JADE2: variants seen among roughly 807,000 people sequenced by gnomAD.
JADE2 encodes the protein jade family PHD finger 2.
JADE2 carries 13 observed loss-of-function variants against 85.7 expected under a neutral mutation model. The observed-to-expected ratio is 0.15, with a 90% confidence interval of 0.10 to 0.24. JADE2 has a LOEUF of 0.24. Among genes scored for constraint, JADE2 ranks in the 10% least tolerant of loss-of-function variants. The pLI is 1.00. For synonymous variants in JADE2, 440 were observed against 456.1 expected (o/e 0.96, Z 0.45); for missense variants, 846 against 1,115.9 (o/e 0.76, Z 3.45).
intron 3 of JADE2, among the ~76,000 whole-genome samples, chr5:134,543,734 CT>C (rs1410917385): frequency 6.6e-6 from 1 of 152,144 alleles, no homozygotes; most frequent in Non-Finnish European, 1.5e-5. Flanking sequence ...TTTCCCTTCC[CT>C]TTGCCTAAAA....
intron 1 of JADE2, among the ~76,000 whole-genome samples, chr5:134,529,698 G>C (rs1761105009): frequency 6.6e-6 from 1 of 152,204 alleles, no homozygotes; most frequent in Non-Finnish European, 1.5e-5. Flanking sequence ...TCACCTTTAG[G>C]CTAGGCCAGA....
intron 6 of JADE2, among the ~76,000 whole-genome samples, chr5:134,561,677 T>C (rs376680953): frequency 2.6e-5 from 4 of 152,176 alleles, no homozygotes; most frequent in Non-Finnish European, 5.9e-5. Context: ...GTAGGGACTT[T>C]GCCAGGCTGG....
intron 1 of JADE2, chr5:134,533,736 C>CTTTTTTTTTTT (rs70976536): frequency 8.9e-6 from 1 of 112,794 alleles, no homozygotes; most frequent in Non-Finnish European, 1.7e-5. Flanking sequence ...CACACTCTCT[C>CTTTTTTTTTTT]TTTTTTTTTT....
chr5:134,529,544 C>G (rs1761094842), intron 1 of JADE2, among the ~76,000 whole-genome samples: 1 of 152,316 alleles, frequency 6.6e-6, no homozygotes, highest in East Asian at 1.9e-4. Flanking sequence ...AATAACAGTA[C>G]CTATCTCATA....
In JADE2 at chr5:134,573,898, C is replaced by T. The variant is rs1195198248; in HGVS notation, c.1552+136C>T. ...AAGGGCCACTGGCCCCCACTCCTAC[C>T]CTTCACCATCCAATTAGTAGGCCCA... On this transcript the variant is annotated intron_variant, in intron 10 of 11. Transcript: ENST00000681547. 8.0e-6 allele frequency: 6 copies of T among 747,420 alleles called. No individual in the cohort carries two copies. The East Asian group carries it at 1.5e-4, about 19-fold the overall frequency. The allele number at this position is 747,420 out of a possible 1,614,324, so 46.3% of individuals were successfully genotyped here.
Position 134,535,890 on chromosome 5 carries a change from C to T in JADE2, c.33C>T (p.Ser11=). 1 of 1,613,872 alleles carries T rather than the reference C, an allele frequency of 6.2e-7. No individual in the cohort carries two copies. The highest frequency in any genetic ancestry group is 2.2e-5 in the East Asian group (1 of 44,886). The change falls in exon 2 of 12, where the codon AGC becomes AGT. Residue 11 remains serine, a synonymous_variant. Coordinates refer to ENST00000681547, the MANE Select transcript of JADE2 (RefSeq NM_001388185.1). ...AGAAGAGGCGAAAATACTCCATCAG[C>T]AGTGACAACTCTGACACCACTGACA... The part of the protein sequence containing the change: MEEKRRKYSI[S]SDNSDTTDSH...
At chr5:134,534,026 G>A (rs1009307920) in intron 1 of JADE2, among the ~76,000 whole-genome samples, 10 of 152,160 alleles carry the variant, frequency 6.6e-5, no homozygotes, top group Non-Finnish European at 1.2e-4. Flanking sequence ...GATTACAGGT[G>A]TCGCACCCTT....
At chr5:134,558,232 GT>G (rs1241892174) in intron 4 of JADE2, among the ~76,000 whole-genome samples, 2 of 109,378 alleles carry the variant, frequency 1.8e-5, no homozygotes, top group African/African-American at 7.3e-5. Context: ...GGGGTTGTTT[GT>G]TTTTTTCTTG....
At position 134,564,534 on chromosome 5, in the gene JADE2, A is replaced by G. The variant is rs1763521322; in HGVS notation, c.893A>G (p.Lys298Arg). 2 of 1,587,860 alleles carry G rather than the reference A, an allele frequency of 1.3e-6. No individual in the cohort carries two copies. The highest frequency in any genetic ancestry group is 1.7e-6 in the Non-Finnish European group (2 of 1,167,268). Residue 298 changes from lysine (K) to arginine (R), a missense_variant, in exon 8 of 12, where the codon AAG becomes AGG. Physicochemically the swap from Lys to Arg is conservative, Grantham distance 26. This residue lies in a region of JADE2 where 129 missense variants were observed against 255.4 expected (regional missense o/e 0.51). Transcript: ENST00000681547. The part of the protein sequence containing the change: ...GCPEKMEPIT[K>R]ISHIPASRWA... Reference sequence around the variant, plus strand: ...CCAGAGAAGATGGAGCCCATCACCAAGATCTCGCATATCCCAGCCAGCCGC... The same window carrying G: ...CCAGAGAAGATGGAGCCCATCACCAGGATCTCGCATATCCCAGCCAGCCGC...
intron 6 of JADE2, among the ~76,000 whole-genome samples, chr5:134,561,429 T>C (rs1465446126): frequency 6.6e-6 from 1 of 152,254 alleles, no homozygotes; most frequent in African/African-American, 2.4e-5. Flanking sequence ...AATTGTTTAC[T>C]GTGGGTCTTT....
At chr5:134,526,440 G>A in intron 1 of JADE2, 1 of 985,192 alleles carries the variant, frequency 1.0e-6, no homozygotes, top group Non-Finnish European at 1.2e-6. Context: ...ACGGTGGGGA[G>A]GTCGAGCGGC....
rs750714692 is a variant in JADE2, at chr5:134,573,633, T to G, written c.1435-12T>G. On this transcript the variant is annotated splice_polypyrimidine_tract_variant and intron_variant, in intron 9 of 11. Transcript: ENST00000681547. Reference sequence around the variant, plus strand: ...CTGTGAGTAAGGTGGAAAATCTCTCTTGTTTTCTCAGGTTAGAAATCTGTG... The same window carrying G: ...CTGTGAGTAAGGTGGAAAATCTCTCGTGTTTTCTCAGGTTAGAAATCTGTG... 7.5e-6 allele frequency: 12 copies of G among 1,600,604 alleles called. No individual in the cohort carries two copies. The highest frequency in any genetic ancestry group is 2.2e-5 in the East Asian group (1 of 44,796).
At position 134,578,750 on chromosome 5, in the gene JADE2, C is replaced by T. The variant is rs375468796; in HGVS notation, c.1938C>T (p.Ala646=). The change falls in exon 12 of 12, where the codon GCC becomes GCT. Residue 646 remains alanine, a synonymous_variant. Transcript: ENST00000681547. This position sits in a 1 kb window ranked among gnomAD's most constrained non-coding sequence, Gnocchi z 4.4. ...RKARGRTRLP[A]KKKPPPPPPQ... is the part of the protein sequence containing the mutation. ...CCCGAGGCCGCACCCGCCTGCCTGC[C>T]AAGAAGAAACCACCACCACCACCAC... 127 of 1,613,588 alleles carry T rather than the reference C, an allele frequency of 7.9e-5. No individual in the cohort carries two copies. The highest frequency in any genetic ancestry group is 1.0e-4 in the Non-Finnish European group (122 of 1,179,974).
At chr5:134,533,197 G>A (rs1031572826) in intron 1 of JADE2, among the ~76,000 whole-genome samples, 1 of 152,130 alleles carries the variant, frequency 6.6e-6, no homozygotes, top group African/African-American at 2.4e-5. Flanking sequence ...AGGACTTTCC[G>A]ACCTGGTCCA....
intron 3 of JADE2, among the ~76,000 whole-genome samples, chr5:134,545,092 A>G (rs1762210316): frequency 6.6e-6 from 1 of 152,240 alleles, no homozygotes; most frequent in Non-Finnish European, 1.5e-5. Flanking sequence ...ATCCAAAAAA[A>G]GGTTTTGTGC....
rs761382043 is a variant in JADE2, at chr5:134,566,362, G to A, written c.1216G>A (p.Glu406Lys). 6.2e-6 allele frequency: 10 copies of A among 1,614,046 alleles called. No homozygotes were observed. The highest frequency in any genetic ancestry group is 1.1e-5 in the South Asian group (1 of 91,090). Residue 406 changes from glutamate to lysine, a missense_variant, in exon 9 of 12, where the codon GAG (glutamate) becomes AAG (lysine). Transcript: ENST00000681547. The surrounding 1 kb of genome is among the most constrained non-coding windows in gnomAD (Gnocchi z 6.7). Reference sequence around the variant, plus strand: ...GCAGCAGCTAGAGGAGGACTTCTACGAGCTGGTGGAGCCGGCTGAGGTGGC... The same window carrying A: ...GCAGCAGCTAGAGGAGGACTTCTACAAGCTGGTGGAGCCGGCTGAGGTGGC... The part of the protein sequence containing the change: ...RLQQLEEDFY[E>K]LVEPAEVAER...
At chr5:134,555,295 GCAGAA>G (rs1053812037) in intron 4 of JADE2, among the ~76,000 whole-genome samples, 1 of 152,202 alleles carries the variant, frequency 6.6e-6, no homozygotes, top group Non-Finnish European at 1.5e-5. Context: ...CTCAGCCAGG[GCAGAA>G]CCCACCTCTG....
In JADE2 at chr5:134,525,810, A is replaced by G. The variant is rs1259794657; in HGVS notation, c.-202A>G. The G allele has an allele frequency of 2.0e-6, 2 of 1,015,404 alleles. No individual in the cohort carries two copies. Among genetic ancestry groups the G allele is most frequent in the African/African-American group, 1.7e-5 (1 of 57,262 alleles). 62.9% of individuals were successfully genotyped at this position (1,015,404 alleles called of 1,614,324 possible). ...GCACCGGCTTAGGTCCTGCGGGCCG[A>G]CCGTCCCCGGCGGGGGGCGTGGGGC... On this transcript the variant is annotated 5_prime_UTR_variant, in exon 1 of 12. Coordinates refer to ENST00000681547, the MANE Select transcript of JADE2 (RefSeq NM_001388185.1).
chr5:134,579,806 C>G lies in JADE2; in HGVS notation c.*489C>G, dbSNP rs192920573. On this transcript the variant is annotated 3_prime_UTR_variant, in exon 12 of 12. Coordinates refer to ENST00000681547, the MANE Select transcript of JADE2 (RefSeq NM_001388185.1). The surrounding 1 kb of genome is among the most constrained non-coding windows in gnomAD (Gnocchi z 4.6). ...GGAAGTATAATAAACGATACCCAGC[C>G]AGAGTCTACTCACTGTCACAAGCAC... 350 of 157,712 alleles carry G rather than the reference C, an allele frequency of 2.2e-3. No homozygotes were observed. Among genetic ancestry groups the G allele is most frequent in the Non-Finnish European group, 2.8e-3 (197 of 71,316 alleles). The allele number at this position is 157,712 out of a possible 1,614,324, so 9.8% of individuals were successfully genotyped here. A position where few individuals can be genotyped will look rare whatever the true frequency, so the allele number is the denominator to read the frequency against.
Sources: allele counts gnomAD v4.1 joint callset (sites outside exome capture counted in the v4.1 genomes callset), GRCh38; gene constraint gnomAD v4.1.1; regional missense constraint gnomAD v4.1.1; non-coding constraint Gnocchi (gnomAD v3.1); transcripts MANE v1.5; gene names NCBI Gene and HGNC (gene_info 2026-07-23, HGNC 2026-07-21).